NDC1: variants seen among roughly 807,000 people sequenced by gnomAD.
NDC1 encodes the protein NDC1 transmembrane nucleoporin, also known as nucleoporin NDC1.
A neutral mutation model predicts 89.8 loss-of-function variants in NDC1; 24 were observed. The ratio of observed to expected loss-of-function variants is 0.27; its 90% CI spans 0.19 to 0.38. The LOEUF is 0.38. Among genes scored for constraint, NDC1 ranks in the 10% least tolerant of loss-of-function variants. The probability of loss-of-function intolerance (pLI) is 1.00; values close to 1 mark genes in which losing one functional copy is unlikely to be tolerated. For missense variants in NDC1, 728 were observed against 797.6 expected (o/e 0.91, Z 1.05); for synonymous variants, 296 against 284.8 (o/e 1.04, Z -0.39).
intron 5 of NDC1, among the ~76,000 whole-genome samples, chr1:53,825,534 C>T (rs899489734): frequency 2.0e-5 from 3 of 151,888 alleles, no homozygotes; most frequent in African/African-American, 7.3e-5. Context: ...ACAGCAAGTG[C>T]CACTACCTAG....
chr1:53,809,849 G>C (rs930165346), intron 6 of NDC1, 103 bp from the exon 7 acceptor site: 24 of 796,700 alleles, frequency 3.0e-5, no homozygotes, highest in Non-Finnish European at 5.2e-5. Context: ...CAGACACCAA[G>C]ACCTCAGTCA....
chr1:53,797,261 T>A, intron 11 of NDC1, 117 bp from the exon 12 acceptor site: 1 of 933,192 alleles, frequency 1.1e-6, no homozygotes, highest in Non-Finnish European at 1.6e-6. Context: ...CAAAGCTCAG[T>A]AGATTGTTTC....
At chr1:53,768,307 C>G (rs184368506) in intron 17 of NDC1, among the ~76,000 whole-genome samples, 52 of 152,192 alleles carry the variant, frequency 3.4e-4, no homozygotes, top group African/African-American at 1.3e-3. Flanking sequence ...TGCTATGGAA[C>G]CTGCTGTGCG....
intron 14 of NDC1, among the ~76,000 whole-genome samples, chr1:53,791,465 C>T (rs529237707): frequency 1.3e-3 from 201 of 151,984 alleles, no homozygotes; most frequent in African/African-American, 4.5e-3. Context: ...TTATGATGTC[C>T]AATTCTATCC....
At chr1:53,773,540 G>A (rs1242058341) in intron 16 of NDC1, among the ~76,000 whole-genome samples, 2 of 151,942 alleles carry the variant, frequency 1.3e-5, no homozygotes, top group Admixed American at 6.6e-5. Flanking sequence ...AGTGATCCTC[G>A]TTCACAAATG....
intron 2 of NDC1, among the ~76,000 whole-genome samples, chr1:53,833,003 C>A (rs1462582390): frequency 5.7e-4 from 87 of 152,146 alleles, no homozygotes; most frequent in Non-Finnish European, 1.2e-4. Context: ...CAGAGAAAGA[C>A]CTTGTTTCAA....
rs78244644 is a variant in NDC1, at chr1:53,783,996, T to G, written c.1800+3162A>C. Among the ~76,000 whole-genome samples the G allele has an allele frequency of 2.2e-3, 338 of 152,326 alleles. 1 individual carries two copies. The highest frequency in any genetic ancestry group is 7.8e-3 in the African/African-American group (326 of 41,588). ...GAATGACTATAATCAAACAGATTGCTTTCCTTCTAACCAACTATGAAGAAC... is the reference window on the plus strand; with the variant it reads ...GAATGACTATAATCAAACAGATTGCGTTCCTTCTAACCAACTATGAAGAAC... On this transcript the variant is annotated intron_variant, in intron 16 of 17. Coordinates refer to ENST00000371429, the MANE Select transcript of NDC1 (RefSeq NM_018087.5).
intron 6 of NDC1, among the ~76,000 whole-genome samples, chr1:53,817,342 T>G (rs1314978255): frequency 6.6e-6 from 1 of 152,198 alleles, no homozygotes; most frequent in East Asian, 1.9e-4. Flanking sequence ...TGCAGTGACC[T>G]GGATGAGACT....
At position 53,770,395 on chromosome 1, in the gene NDC1, T is replaced by C. The variant is rs150381446; in HGVS notation, c.1961+1934A>G. Among the ~76,000 whole-genome samples, 1,242 of 150,660 alleles carry C rather than the reference T, an allele frequency of 8.2e-3. 15 individuals are homozygous for C. The highest frequency in any genetic ancestry group is 0.029 in the African/African-American group (1,191 of 41,014). On this transcript the variant is annotated intron_variant, in intron 17 of 17. Coordinates refer to ENST00000371429, the MANE Select transcript of NDC1 (RefSeq NM_018087.5). Reference sequence around the variant, plus strand: ...AGTATCGGCTCACTGCAACCTCCACTTCCCGGGTTCAAGTGATTCTCCTGC... The same window carrying C: ...AGTATCGGCTCACTGCAACCTCCACCTCCCGGGTTCAAGTGATTCTCCTGC...
intron 16 of NDC1, among the ~76,000 whole-genome samples, chr1:53,785,971 C>G (rs903028335): frequency 7.9e-5 from 12 of 152,112 alleles, no homozygotes; most frequent in Non-Finnish European, 1.8e-4. Flanking sequence ...GTGGTCCAGG[C>G]TGGAGTGCAG....
rs114884500 is a variant in NDC1 at position 53,772,590 on chromosome 1, G to A, written c.1801-101C>T. ...TGTAATCCCAACACTTTGGAAGGAC[G>A]AGGCGGGAGGACTGCTTGAGCCCAG... On this transcript the variant is annotated intron_variant, in intron 16 of 17. Coordinates refer to ENST00000371429, the MANE Select transcript of NDC1 (RefSeq NM_018087.5). 1,102 of 1,081,072 alleles carry A rather than the reference G, an allele frequency of 1.0e-3. 4 individuals carry two copies. Among genetic ancestry groups the A allele is most frequent in the Non-Finnish European group, 1.3e-3 (945 of 742,212 alleles). The allele number at this position is 1,081,072 out of a possible 1,614,324, so 67.0% of individuals were successfully genotyped here.
intron 11 of NDC1, among the ~76,000 whole-genome samples, chr1:53,799,145 CT>C (rs1336817085): frequency 1.3e-5 from 2 of 152,176 alleles, no homozygotes; most frequent in Non-Finnish European, 2.9e-5. Context: ...AAAATCTAAA[CT>C]TTTTTTGTTG....
chr1:53,767,978 T>C lies in NDC1; in HGVS notation c.2017A>G (p.Lys673Glu). 1 of 1,601,186 alleles carries C rather than the reference T, an allele frequency of 6.2e-7. No individual in the cohort carries two copies. Among genetic ancestry groups the C allele is most frequent in the Non-Finnish European group, 8.5e-7 (1 of 1,170,376 alleles). The stretch of plus-strand genomic sequence containing the variant: ...CAGTTTATATTACTTAACTATTCTT[T>C]GAACTCCAAGAACTGTTGAAGTCTT... ...QKRLQQFLEF[K>E]E The change falls in exon 18 of 18, where the codon AAA becomes GAA. Residue 673 changes from lysine to glutamate, a missense_variant. Coordinates refer to ENST00000371429, the MANE Select transcript of NDC1 (RefSeq NM_018087.5).
At chr1:53,832,626 T>C in intron 2 of NDC1, 35 bp from the exon 3 acceptor site, 1 of 1,094,990 alleles carries the variant, frequency 9.1e-7, no homozygotes, top group Non-Finnish European at 1.4e-6. Flanking sequence ...GTAAAGGTTA[T>C]TCAGTCATGT....
rs763565846 is a variant in NDC1 at position 53,807,685 on chromosome 1, A to G, written c.862T>C (p.Trp288Arg). ...VFLLTTWYVSWILFKIYATEA... is the reference protein window; with the variant it reads ...VFLLTTWYVSRILFKIYATEA... ...GTGGCATAGATTTTGAAGAGTATCC[A>G]TGAGACATACCAAGTCGTCAGGAGA... The change falls in exon 8 of 18, where the codon TGG becomes CGG. Residue 288 changes from tryptophan to arginine, a missense_variant. By Grantham distance (101) the Trp-to-Arg change is moderately radical. Transcript: ENST00000371429. The G allele has an allele frequency of 8.7e-6, 14 of 1,613,396 alleles. No individual in the cohort carries two copies. In the Admixed American group the frequency reaches 2.3e-4, roughly 27 times the overall value.
At chr1:53,774,771 C>T (rs1647148018) in intron 16 of NDC1, among the ~76,000 whole-genome samples, 2 of 152,082 alleles carry the variant, frequency 1.3e-5, no homozygotes, top group Admixed American at 6.5e-5. Context: ...CCTGTAGTCA[C>T]AACTACTTGG....
intron 1 of NDC1, 34 bp downstream of exon 1, chr1:53,838,171 T>C: frequency 6.7e-7 from 1 of 1,481,782 alleles, no homozygotes; most frequent in South Asian, 1.2e-5. Context: ...GGCCCGACCC[T>C]GGCAGTGCGT....
chr1:53,796,011 C>T (rs571940066), intron 13 of NDC1, among the ~76,000 whole-genome samples: 5 of 152,296 alleles, frequency 3.3e-5, no homozygotes, highest in Admixed American at 2.6e-4. Context: ...TTGTTCTTCA[C>T]ACAAGCCAAG....
At chr1:53,796,275 GT>G (rs1481566291) in intron 13 of NDC1, among the ~76,000 whole-genome samples, 7 of 152,110 alleles carry the variant, frequency 4.6e-5, no homozygotes, top group Non-Finnish European at 1.0e-4. Context: ...CACGTCATGG[GT>G]TAAGGCATCT....
Sources: gnomAD v4.1 joint callset for allele counts (sites outside exome capture counted in the v4.1 genomes callset) on GRCh38, gnomAD v4.1.1 for gene constraint, MANE v1.5 for transcripts, NCBI Gene and HGNC (gene_info 2026-07-23, HGNC 2026-07-21) for gene names.